IFT81: variants seen among roughly 807,000 people sequenced by gnomAD.
The protein encoded by IFT81 is intraflagellar transport 81, also known as intraflagellar transport protein 81 homolog.
IFT81 carries 72 observed loss-of-function variants against 102.6 expected under a neutral mutation model. The ratio of observed to expected loss-of-function variants is 0.70; its 90% CI spans 0.58 to 0.85. The LOEUF is 0.85. Among genes scored for constraint, IFT81 ranks in the 40% least tolerant of loss-of-function variants. The pLI, the probability that IFT81 is intolerant of heterozygous loss-of-function variation, is 0.00. For missense variants in IFT81, 723 were observed against 787.3 expected (o/e 0.92, Z 0.98); for synonymous variants, 237 against 242.7 (o/e 0.98, Z 0.22).
At chr12:110,202,964 C>T (rs1253538565) in intron 14 of IFT81, among the ~76,000 whole-genome samples, 1 of 152,116 alleles carries the variant, frequency 6.6e-6, no homozygotes, top group Non-Finnish European at 1.5e-5. Flanking sequence ...CTCACCATTT[C>T]CCAGAAATAA....
intron 11 of IFT81, among the ~76,000 whole-genome samples, chr12:110,169,482 A>G (rs992128751): frequency 1.3e-5 from 2 of 152,062 alleles, no homozygotes; most frequent in African/African-American, 4.8e-5. Context: ...TGTTTATGAG[A>G]AAGCCAAATT....
At chr12:110,130,319 G>A (rs1894086859) in intron 4 of IFT81, among the ~76,000 whole-genome samples, 1 of 151,064 alleles carries the variant, frequency 6.6e-6, no homozygotes, top group Non-Finnish European at 1.5e-5. Flanking sequence ...TCCCACCATC[G>A]ATAAATCTGA....
chr12:110,132,339 A>G (rs1324625693), intron 4 of IFT81, among the ~76,000 whole-genome samples: 2 of 152,042 alleles, frequency 1.3e-5, no homozygotes, highest in Non-Finnish European at 2.9e-5. Flanking sequence ...GCGCGCATGT[A>G]ATCCCAGGTA....
intron 11 of IFT81, among the ~76,000 whole-genome samples, chr12:110,166,502 A>G (rs1375505560): frequency 6.6e-6 from 1 of 152,128 alleles, no homozygotes; most frequent in East Asian, 1.9e-4. Context: ...AGAACTGTAT[A>G]CTTAAAAATG....
rs1478066823 is a variant in IFT81 at position 110,199,543 on chromosome 12, C to T, written c.1558-4321C>T. Among the ~76,000 whole-genome samples, 5 of 152,098 alleles carry T rather than the reference C, an allele frequency of 3.3e-5. No homozygotes were observed. In the East Asian group the frequency reaches 5.8e-4, roughly 18 times the overall value. On this transcript the variant is annotated intron_variant, in intron 14 of 18. Coordinates refer to ENST00000242591, the MANE Select transcript of IFT81 (RefSeq NM_014055.4). The stretch of plus-strand genomic sequence containing the variant: ...GTGATCCGTTTGACCATAAGATTTG[C>T]GACCAAAAAAAGGATTTTATCAACT...
intron 13 of IFT81, 77 bp from the exon 14 acceptor site, chr12:110,192,540 T>C: frequency 2.6e-6 from 2 of 755,056 alleles, no homozygotes; most frequent in Non-Finnish European, 4.4e-6. Flanking sequence ...AACACTGAAA[T>C]TAATATCTTT....
chr12:110,165,057 A>G (rs934601197), intron 11 of IFT81, among the ~76,000 whole-genome samples: 1 of 152,008 alleles, frequency 6.6e-6, no homozygotes, highest in Non-Finnish European at 1.5e-5. Context: ...TTGAGAAATC[A>G]TGGTGAATAG....
At chr12:110,208,441 G>C (rs1868970283) in intron 17 of IFT81, among the ~76,000 whole-genome samples, 1 of 152,092 alleles carries the variant, frequency 6.6e-6, no homozygotes, top group South Asian at 2.1e-4. Context: ...GGGAGGTGGA[G>C]GCTACAATGA....
At position 110,205,440 on chromosome 12, in the gene IFT81, T is replaced by C; in HGVS notation, c.1645-3T>C. On this transcript the variant is annotated splice_polypyrimidine_tract_variant and splice_region_variant and intron_variant, in intron 15 of 18. Coordinates refer to ENST00000242591, the MANE Select transcript of IFT81 (RefSeq NM_014055.4). ...GTCACCTATCTAAAATTATATATTA[T>C]AGGAAGTTAGAAGACTCCGTGAAGA... 1 of 1,586,130 alleles carries C rather than the reference T, an allele frequency of 6.3e-7. No individual in the cohort carries two copies. Among genetic ancestry groups the C allele is most frequent in the Non-Finnish European group, 8.5e-7 (1 of 1,171,382 alleles).
rs552548275 is a variant in IFT81 at position 110,189,336 on chromosome 12, TTTTA to T, written c.1339-1560_1339-1557del. Among the ~76,000 whole-genome samples the T allele has an allele frequency of 9.0e-3, 1,362 of 151,748 alleles. 4 individuals are homozygous for T. The highest frequency in any genetic ancestry group is 9.5e-3 in the Non-Finnish European group (643 of 67,872). Reference sequence around the variant, plus strand: ...CCTCTAATTCTAGTCCTTTTTAAAATTTTATTTATTTATTTATTTATTTATTTTT... The same window carrying T: ...CCTCTAATTCTAGTCCTTTTTAAAATTTTATTTATTTATTTATTTATTTTT... On this transcript the variant is annotated intron_variant, in intron 12 of 18. Coordinates refer to ENST00000242591, the MANE Select transcript of IFT81 (RefSeq NM_014055.4).
At chr12:110,141,019 G>A (rs1404068624) in intron 8 of IFT81, among the ~76,000 whole-genome samples, 3 of 148,976 alleles carry the variant, frequency 2.0e-5, no homozygotes, top group Admixed American at 6.7e-5. Flanking sequence ...GAGCCACCAC[G>A]CCTGGCCTAT....
intron 10 of IFT81, among the ~76,000 whole-genome samples, chr12:110,147,412 TTTAAAG>T (rs1033244324): frequency 4.0e-4 from 61 of 152,338 alleles, no homozygotes; most frequent in African/African-American, 1.5e-3. Flanking sequence ...CTTTTTCAAG[TTTAAAG>T]TTAGTTTGCA....
chr12:110,192,518 G>C, intron 13 of IFT81, 99 bp from the exon 14 acceptor site: 9 of 629,150 alleles, frequency 1.4e-5, no homozygotes, highest in Non-Finnish European at 2.5e-5. Flanking sequence ...GCAGTTTTTT[G>C]CTCTTACATT....
intron 2 of IFT81, among the ~76,000 whole-genome samples, chr12:110,127,837 CTT>C (rs2137291536): frequency 6.6e-6 from 1 of 152,086 alleles, no homozygotes; most frequent in East Asian, 1.9e-4. Flanking sequence ...CCACTGGATA[CTT>C]TTTTTGAAGC....
intron 11 of IFT81, among the ~76,000 whole-genome samples, chr12:110,163,317 T>C (rs1358309612): frequency 6.6e-6 from 1 of 152,122 alleles, no homozygotes; most frequent in Non-Finnish European, 1.5e-5. Flanking sequence ...CTCTGCTCAC[T>C]GCAACCTCCG....
chr12:110,199,844 G>C lies in IFT81; in HGVS notation c.1558-4020G>C, dbSNP rs562457346. Among the ~76,000 whole-genome samples the C allele has an allele frequency of 4.6e-5, 7 of 152,204 alleles. No homozygotes were observed. The South Asian group carries it at 1.2e-3, about 27-fold the overall frequency. ...AGGAAACCGTGCAGCAGGAAACCAC[G>C]GTCATGAAACCAAGGTCATTCTCGG... is the stretch of plus-strand genomic sequence containing the variant. On this transcript the variant is annotated intron_variant, in intron 14 of 18. Coordinates refer to ENST00000242591, the MANE Select transcript of IFT81 (RefSeq NM_014055.4).
chr12:110,146,558 G>C (rs1271896444), intron 9 of IFT81, among the ~76,000 whole-genome samples: 2 of 152,104 alleles, frequency 1.3e-5, no homozygotes, highest in Non-Finnish European at 2.9e-5. Context: ...ATCTATATAA[G>C]TAATCAAACT....
intron 10 of IFT81, among the ~76,000 whole-genome samples, chr12:110,153,530 G>A (rs953203476): frequency 3.3e-5 from 5 of 151,320 alleles, no homozygotes; most frequent in East Asian, 2.0e-4. Context: ...GAGCCACCGC[G>A]CCCAGCCTGG....
intron 14 of IFT81, among the ~76,000 whole-genome samples, chr12:110,200,189 G>A (rs920528413): frequency 6.6e-6 from 1 of 152,108 alleles, no homozygotes; most frequent in Non-Finnish European, 1.5e-5. Flanking sequence ...TTAATTATGA[G>A]GATACGTTCT....
Sources: gnomAD v4.1 joint callset for allele counts (sites outside exome capture counted in the v4.1 genomes callset) on GRCh38, gnomAD v4.1.1 for gene constraint, MANE v1.5 for transcripts, NCBI Gene and HGNC (gene_info 2026-07-23, HGNC 2026-07-21) for gene names.